Variants in ARHGAP15 observed in about 807,000 individuals in gnomAD.
The protein encoded by ARHGAP15 is Rho GTPase activating protein 15, also known as rho GTPase-activating protein 15.
A neutral mutation model predicts 63.7 loss-of-function variants in ARHGAP15; 51 were observed. The ratio of observed to expected loss-of-function variants is 0.80; its 90% CI spans 0.64 to 1.01. The LOEUF is 1.01. ARHGAP15 is among the 50% of genes least tolerant of loss of function. The probability of loss-of-function intolerance (pLI) is 0.00; values close to 1 mark genes in which losing one functional copy is unlikely to be tolerated. For missense variants in ARHGAP15, 560 were observed against 564.6 expected (o/e 0.99, Z 0.08); for synonymous variants, 191 against 193.8 (o/e 0.99, Z 0.12).
chr2:143,222,908 AC>A (rs1214138013), intron 4 of ARHGAP15, among the ~76,000 whole-genome samples: 1 of 151,786 alleles, frequency 6.6e-6, no homozygotes, highest in Non-Finnish European at 1.5e-5. Context: ...TGTAGTTAGC[AC>A]CCCTTTTCCC....
intron 12 of ARHGAP15, among the ~76,000 whole-genome samples, chr2:143,668,091 T>A (rs991933456): frequency 2.6e-5 from 4 of 151,926 alleles, no homozygotes; most frequent in Non-Finnish European, 5.9e-5. Flanking sequence ...GCATGTTTTG[T>A]AGATTTAGTA....
chr2:143,496,352 T>C (rs1480477268), intron 9 of ARHGAP15, among the ~76,000 whole-genome samples: 1 of 152,146 alleles, frequency 6.6e-6, no homozygotes, highest in Non-Finnish European at 1.5e-5. Context: ...TTGTGAGATA[T>C]TAAAAGCAGA....
At chr2:143,663,765 C>T (rs1246257807) in intron 12 of ARHGAP15, among the ~76,000 whole-genome samples, 1 of 150,938 alleles carries the variant, frequency 6.6e-6, no homozygotes, top group Middle Eastern at 3.2e-3. Flanking sequence ...GGGTTGCAAT[C>T]CTAGTCTCTG....
At chr2:143,475,120 G>A (rs1282485471) in intron 8 of ARHGAP15, among the ~76,000 whole-genome samples, 2 of 152,076 alleles carry the variant, frequency 1.3e-5, no homozygotes, top group African/African-American at 2.4e-5. Flanking sequence ...ATCTTTGTGG[G>A]GCTTTTCCTA....
At chr2:143,596,025 G>A (rs1574680918) in intron 11 of ARHGAP15, among the ~76,000 whole-genome samples, 2 of 152,030 alleles carry the variant, frequency 1.3e-5, no homozygotes, top group African/African-American at 2.4e-5. Flanking sequence ...TAGTAGAAAG[G>A]CACTCACTCA....
In ARHGAP15 at chr2:143,625,482, G is replaced by GCTT. The variant is rs1362639063; in HGVS notation, c.1138+1217_1138+1218insTCT. On this transcript the variant is annotated intron_variant, in intron 12 of 13. Transcript: ENST00000295095. ...TGTTGCTATTGCTGCTGCTGCTGCT[G>GCTT]CTGCTGCTGTTGTTGAATGCAGTAA... Among the ~76,000 whole-genome samples the GCTT allele has an allele frequency of 2.0e-5, 3 of 152,216 alleles. No individual in the cohort carries two copies. In the East Asian group the frequency reaches 5.8e-4, roughly 29 times the overall value.
In ARHGAP15 at chr2:143,519,351, T is replaced by A; in HGVS notation, c.912T>A (p.Ala304=). The change falls in exon 10 of 14, where the codon GCT becomes GCA. Residue 304 remains alanine (A), a synonymous_variant. Coordinates refer to ENST00000295095, the MANE Select transcript of ARHGAP15 (RefSeq NM_018460.4). ...VPWFVKQCIE[A]VEKRGLDVDG... ...GGTTTGTAAAGCAATGCATTGAAGC[T>A]GTTGAGAAAAGAGGTGGGTGACTGA... 6.2e-7 allele frequency: 1 copy of A among 1,612,578 alleles called. No individual in the cohort carries two copies. The highest frequency in any genetic ancestry group is 8.5e-7 in the Non-Finnish European group (1 of 1,178,810).
At chr2:143,642,036 T>G (rs1680627014) in intron 12 of ARHGAP15, among the ~76,000 whole-genome samples, 1 of 152,064 alleles carries the variant, frequency 6.6e-6, no homozygotes, top group South Asian at 2.1e-4. Flanking sequence ...TAGAAAGCAT[T>G]ATTTCACAAG....
At chr2:143,609,411 A>C (rs915610321) in intron 11 of ARHGAP15, among the ~76,000 whole-genome samples, 1 of 152,204 alleles carries the variant, frequency 6.6e-6, no homozygotes, top group Non-Finnish European at 1.5e-5. Context: ...TTGTGAGTTT[A>C]ATGTTCCTTT....
At chr2:143,202,099 T>A in intron 2 of ARHGAP15, 35 bp from the exon 3 acceptor site, 2 of 1,547,102 alleles carry the variant, frequency 1.3e-6, no homozygotes, top group Non-Finnish European at 1.8e-6. Context: ...TCAAGAAAAA[T>A]TATGTAATAA....
chr2:143,315,316 TAGA>T (rs973463512), intron 6 of ARHGAP15, among the ~76,000 whole-genome samples: 5 of 152,216 alleles, frequency 3.3e-5, no homozygotes, highest in Non-Finnish European at 7.3e-5. Flanking sequence ...GAATATATTT[TAGA>T]AGGAATTAGG....
In ARHGAP15 at chr2:143,588,660, T is replaced by G. The variant is rs116707580; in HGVS notation, c.1003+32175T>G. On this transcript the variant is annotated intron_variant, in intron 11 of 13. Transcript: ENST00000295095. ...ATCCATGTCCCTGCAAAGAACGTGA[T>G]CTCATTCCTTTTTGCGGCTGCATAG... Among the ~76,000 whole-genome samples the G allele has an allele frequency of 9.9e-3, 1,502 of 152,318 alleles. 9 individuals are homozygous for G. The highest frequency in any genetic ancestry group is 0.034 in the Middle Eastern group (10 of 294).
At chr2:143,653,614 G>C (rs1032032490) in intron 12 of ARHGAP15, among the ~76,000 whole-genome samples, 1 of 152,014 alleles carries the variant, frequency 6.6e-6, no homozygotes, top group Non-Finnish European at 1.5e-5. Context: ...AAGGGAAGGA[G>C]AATACAAATA....
chr2:143,577,598 T>G (rs1696724160), intron 11 of ARHGAP15, among the ~76,000 whole-genome samples: 1 of 152,130 alleles, frequency 6.6e-6, no homozygotes, highest in African/African-American at 2.4e-5. Flanking sequence ...TTTGCATGGT[T>G]GTAAAATGAC....
At chr2:143,183,004 C>G (rs535339053) in intron 2 of ARHGAP15, among the ~76,000 whole-genome samples, 1 of 152,222 alleles carries the variant, frequency 6.6e-6, no homozygotes, top group South Asian at 2.1e-4. Context: ...ACAGATTAAG[C>G]CAGTACTAGA....
chr2:143,162,151 G>A (rs1690322233), intron 2 of ARHGAP15: 1 of 151,998 alleles, frequency 6.6e-6, no homozygotes, highest in Non-Finnish European at 1.5e-5. Flanking sequence ...TGATGCAGGC[G>A]AACTGACAGA....
intron 6 of ARHGAP15, among the ~76,000 whole-genome samples, chr2:143,334,647 GGTT>G (rs1224202541): frequency 1.3e-5 from 2 of 152,048 alleles, no homozygotes; most frequent in Non-Finnish European, 2.9e-5. Context: ...ATTCCAAAGA[GGTT>G]GTTTATTTTA....
chr2:143,208,215 A>T (rs1490421015), intron 3 of ARHGAP15, among the ~76,000 whole-genome samples: 1 of 152,170 alleles, frequency 6.6e-6, no homozygotes, highest in Non-Finnish European at 1.5e-5. Flanking sequence ...TTTATATCTC[A>T]TATTGAGATA....
At chr2:143,518,507 T>C (rs1012311310) in intron 9 of ARHGAP15, among the ~76,000 whole-genome samples, 1 of 152,248 alleles carries the variant, frequency 6.6e-6, no homozygotes, top group Non-Finnish European at 1.5e-5. Flanking sequence ...ACAGCACACA[T>C]TGGCATATCA....
Sources: allele counts gnomAD v4.1 joint callset (sites outside exome capture counted in the v4.1 genomes callset), GRCh38; gene constraint gnomAD v4.1.1; transcripts MANE v1.5; gene names NCBI Gene and HGNC (gene_info 2026-07-23, HGNC 2026-07-21).